NCAM2: variants seen among roughly 807,000 people sequenced by gnomAD.
NCAM2 encodes neural cell adhesion molecule 2.
NCAM2 carries 30 observed loss-of-function variants against 98.1 expected under a neutral mutation model. The ratio of observed to expected loss-of-function variants is 0.31; its 90% CI spans 0.23 to 0.41. The LOEUF (loss-of-function observed/expected upper bound fraction) is 0.41. NCAM2 is among the 10% of genes least tolerant of loss of function. The pLI is 1.00. For synonymous variants in NCAM2, 368 were observed against 342.4 expected (o/e 1.07, Z -0.83); for missense variants, 867 against 1,005.8 (o/e 0.86, Z 1.87).
intron 8 of NCAM2, among the ~76,000 whole-genome samples, chr21:21,348,117 A>G (rs553696437): frequency 3.3e-5 from 5 of 152,202 alleles, no homozygotes; most frequent in East Asian, 1.9e-4. Context: ...AACTAGAACA[A>G]TTAGACAAGA....
intron 15 of NCAM2, among the ~76,000 whole-genome samples, chr21:21,505,869 A>C (rs867676344): frequency 6.6e-6 from 1 of 151,990 alleles, no homozygotes; most frequent in East Asian, 1.9e-4. Flanking sequence ...TCTTCTCAAC[A>C]AACTTGTGAC....
At chr21:21,285,540 T>A (rs1474266797) in intron 3 of NCAM2, among the ~76,000 whole-genome samples, 1 of 151,922 alleles carries the variant, frequency 6.6e-6, no homozygotes, top group Non-Finnish European at 1.5e-5. Flanking sequence ...GATATAATGT[T>A]TGGAAATACT....
At chr21:21,415,103 A>T (rs960326236) in intron 10 of NCAM2, among the ~76,000 whole-genome samples, 3 of 151,974 alleles carry the variant, frequency 2.0e-5, no homozygotes, top group African/African-American at 7.2e-5. Flanking sequence ...AGACCCTAGG[A>T]TTTTCATAAC....
chr21:21,192,400 T>TA, intron 1 of NCAM2, among the ~76,000 whole-genome samples: 1 of 151,402 alleles, frequency 6.6e-6, no homozygotes, highest in African/African-American at 2.4e-5. Context: ...TAGAGTAGAG[T>TA]AAATAGAGTA....
At chr21:21,061,034 T>C (rs1006368054) in intron 1 of NCAM2, among the ~76,000 whole-genome samples, 8 of 152,106 alleles carry the variant, frequency 5.3e-5, no homozygotes, top group African/African-American at 1.7e-4. Context: ...CTTTAAGGTA[T>C]AAGTTTGCTG....
At chr21:21,135,238 T>TC (rs899626112) in intron 1 of NCAM2, among the ~76,000 whole-genome samples, 6 of 82,704 alleles carry the variant, frequency 7.3e-5, no homozygotes, top group African/African-American at 2.2e-4. Context: ...AGAGTGAGAC[T>TC]CCATCTCAAA....
chr21:21,090,783 C>A (rs2065996569), intron 1 of NCAM2, among the ~76,000 whole-genome samples: 1 of 152,164 alleles, frequency 6.6e-6, no homozygotes, highest in South Asian at 2.1e-4. Flanking sequence ...TTGCTTCAAC[C>A]CTCTAGACAA....
chr21:21,421,191 A>AT (rs2077103394), intron 11 of NCAM2, among the ~76,000 whole-genome samples: 1 of 151,986 alleles, frequency 6.6e-6, no homozygotes, highest in Non-Finnish European at 1.5e-5. Flanking sequence ...GGTTTAAATA[A>AT]TTCCATGAAC....
chr21:21,019,335 T>G (rs2064381495), intron 1 of NCAM2, among the ~76,000 whole-genome samples: 1 of 152,200 alleles, frequency 6.6e-6, no homozygotes. Context: ...ACTTCAAAAT[T>G]TATTTTTATT....
intron 1 of NCAM2, among the ~76,000 whole-genome samples, chr21:21,015,733 C>A (rs779069707): frequency 6.6e-6 from 1 of 152,082 alleles, no homozygotes; most frequent in Non-Finnish European, 1.5e-5. Context: ...GACAAAGTCT[C>A]GCTCTTGTCC....
chr21:21,251,637 C>T (rs79836873), intron 1 of NCAM2, among the ~76,000 whole-genome samples: 1,766 of 152,080 alleles, frequency 0.012, 51 homozygotes, highest in East Asian at 0.11. Context: ...TGGGAATATA[C>T]CCAGTAATGG....
At chr21:21,168,910 C>G (rs1294865412) in intron 1 of NCAM2, among the ~76,000 whole-genome samples, 1 of 152,036 alleles carries the variant, frequency 6.6e-6, no homozygotes, top group African/African-American at 2.4e-5. Flanking sequence ...AAAATCTTAG[C>G]AAGTTACTCT....
At chr21:21,295,143 A>G (rs2073430124) in intron 5 of NCAM2, among the ~76,000 whole-genome samples, 1 of 151,754 alleles carries the variant, frequency 6.6e-6, no homozygotes, top group African/African-American at 2.4e-5. Flanking sequence ...TTTCACATGC[A>G]GCGCTTCCTT....
chr21:21,256,331 G>A (rs1465665561), intron 1 of NCAM2, among the ~76,000 whole-genome samples: 1 of 152,080 alleles, frequency 6.6e-6, no homozygotes. Flanking sequence ...ACTCCAGCCT[G>A]GGCAACAAGA....
chr21:21,033,951 C>T (rs1214988078), intron 1 of NCAM2, among the ~76,000 whole-genome samples: 1 of 151,610 alleles, frequency 6.6e-6, no homozygotes, highest in Non-Finnish European at 1.5e-5. Context: ...TTCTTTAGTC[C>T]CCCATTCGAA....
In NCAM2 at chr21:21,404,295, C is replaced by T. The variant is rs1017469146; in HGVS notation, c.1196-5979C>T. Among the ~76,000 whole-genome samples the T allele has an allele frequency of 2.0e-5, 3 of 152,086 alleles. No homozygotes were observed. The South Asian group carries it at 6.2e-4, about 32-fold the overall frequency. ...GTACAATATGGTTTGGCTGTGTCCCCACCCAAATCTCATCTTGAATTGTAG... is the reference window on the plus strand; with the variant it reads ...GTACAATATGGTTTGGCTGTGTCCCTACCCAAATCTCATCTTGAATTGTAG... On this transcript the variant is annotated intron_variant, in intron 9 of 17. Transcript: ENST00000400546.
intron 1 of NCAM2, among the ~76,000 whole-genome samples, chr21:21,066,376 A>G (rs2065437131): frequency 6.6e-6 from 1 of 152,148 alleles, no homozygotes; most frequent in Non-Finnish European, 1.5e-5. Context: ...ATTATTCCAT[A>G]TATAGAATGT....
intron 6 of NCAM2, among the ~76,000 whole-genome samples, chr21:21,331,714 GA>G (rs2074714114): frequency 7.3e-6 from 1 of 136,982 alleles, no homozygotes. Context: ...CTCAGCCTTC[GA>G]GTACCTGGGA....
intron 1 of NCAM2, among the ~76,000 whole-genome samples, chr21:21,087,314 T>C (rs1601328731): frequency 6.6e-6 from 1 of 152,122 alleles, no homozygotes; most frequent in Non-Finnish European, 1.5e-5. Flanking sequence ...CCAATTGAGA[T>C]TGGCCAATGG....
Sources: gnomAD v4.1 joint callset for allele counts (sites outside exome capture counted in the v4.1 genomes callset) on GRCh38, gnomAD v4.1.1 for gene constraint, MANE v1.5 for transcripts, NCBI Gene and HGNC (gene_info 2026-07-23, HGNC 2026-07-21) for gene names.